VPS53: variants seen among roughly 807,000 people sequenced by gnomAD.
VPS53 encodes the protein vacuolar protein sorting-associated protein 53 homolog.
In VPS53, 70 loss-of-function variants were observed where a neutral mutation model predicts 107.0. That is an observed-to-expected ratio of 0.65 (90% CI 0.54 to 0.80). The LOEUF (loss-of-function observed/expected upper bound fraction) is 0.80, where lower values mean the gene tolerates loss of function less well. Ranked by LOEUF, VPS53 falls within the 30% of genes least tolerant of loss-of-function variation. The pLI, the probability that VPS53 is intolerant of heterozygous loss-of-function variation, is 0.00. For missense variants in VPS53, 917 were observed against 1,049.4 expected (o/e 0.87, Z 1.74); for synonymous variants, 409 against 393.3 (o/e 1.04, Z -0.47).
intron 17 of VPS53, among the ~76,000 whole-genome samples, chr17:546,519 C>A (rs1911211404): frequency 6.6e-6 from 1 of 152,154 alleles, no homozygotes; most frequent in Non-Finnish European, 1.5e-5. Flanking sequence ...TACAATTCAA[C>A]AACAGAAAGA....
rs1973789596 is a variant in VPS53 at position 714,777 on chromosome 17, C to T, written c.-68G>A. 7.0e-6 allele frequency: 11 copies of T among 1,565,588 alleles called. No individual in the cohort carries two copies. The highest frequency in any genetic ancestry group is 1.7e-4 in the Middle Eastern group (1 of 5,940). On this transcript the variant is annotated 5_prime_UTR_variant, in exon 1 of 22. Coordinates refer to ENST00000437048, the MANE Select transcript of VPS53 (RefSeq NM_001128159.3). ...TCAGGCCTCCAGCCGCCACCCAGGC[C>T]CCAGCACAGCAACTCCCTCGCGGCA... is the stretch of plus-strand genomic sequence containing the variant.
rs1363173607 is a variant in VPS53, at chr17:612,343, C to A, written c.1117-10447G>T. Among the ~76,000 whole-genome samples the A allele has an allele frequency of 8.2e-3, 902 of 110,130 alleles. 14 individuals are homozygous for A. Among genetic ancestry groups the A allele is most frequent in the East Asian group, 0.028 (93 of 3,350 alleles). The allele number at this position is 110,130 out of a possible 152,430, so 72.2% of individuals were successfully genotyped here. A position where few individuals can be genotyped will look rare whatever the true frequency, so the allele number is the denominator to read the frequency against. Reference sequence around the variant, plus strand: ...TGAATTCACACAGTGAAAACCTGTACAAATATTCACATAGTGAGTTCACAC... The same window carrying A: ...TGAATTCACACAGTGAAAACCTGTAAAAATATTCACATAGTGAGTTCACAC... On this transcript the variant is annotated intron_variant, in intron 11 of 21. Transcript: ENST00000437048.
At chr17:529,240 G>A (rs935635373) in intron 19 of VPS53, among the ~76,000 whole-genome samples, 1 of 152,086 alleles carries the variant, frequency 6.6e-6, no homozygotes, top group African/African-American at 2.4e-5. Flanking sequence ...TTTGTCCCTG[G>A]GGCCAGTGCC....
intron 3 of VPS53, among the ~76,000 whole-genome samples, chr17:698,725 A>G (rs768560506): frequency 7.9e-5 from 12 of 151,520 alleles, no homozygotes; most frequent in Non-Finnish European, 1.8e-4. Context: ...GAAAAAAAGA[A>G]AAAAAAAATC....
Position 628,080 on chromosome 17 carries a change from A to AT in VPS53, c.831+7dup. The stretch of plus-strand genomic sequence containing the variant: ...TGTTACATCTGATCTTATTTGGTCA[A>AT]TACTCACATCTTGGTTTTCTTGAAA... On this transcript the variant is annotated splice_region_variant and intron_variant, in intron 9 of 21. Coordinates refer to ENST00000437048, the MANE Select transcript of VPS53 (RefSeq NM_001128159.3). 1 of 1,610,254 alleles carries AT rather than the reference A, an allele frequency of 6.2e-7. No homozygotes were observed. The highest frequency in any genetic ancestry group is 8.5e-7 in the Non-Finnish European group (1 of 1,178,788).
chr17:636,921 G>A (rs559919648), intron 7 of VPS53, among the ~76,000 whole-genome samples: 222 of 152,274 alleles, frequency 1.5e-3, no homozygotes, highest in African/African-American at 4.1e-3. Flanking sequence ...TCAGGATGAT[G>A]CTGGTCTCAT....
chr17:710,846 G>A (rs1489237655), intron 1 of VPS53, among the ~76,000 whole-genome samples: 1 of 151,994 alleles, frequency 6.6e-6, no homozygotes, highest in Non-Finnish European at 1.5e-5. Context: ...TCAGGAGGCT[G>A]AGGCAGGAGA....
chr17:609,698 T>C (rs766805772), intron 11 of VPS53, among the ~76,000 whole-genome samples: 2 of 152,094 alleles, frequency 1.3e-5, no homozygotes, highest in African/African-American at 4.8e-5. Context: ...GAGGCTGAAA[T>C]TGAAAGTGCT....
At chr17:650,605 A>G (rs1285951331) in intron 7 of VPS53, among the ~76,000 whole-genome samples, 1 of 152,222 alleles carries the variant, frequency 6.6e-6, no homozygotes, top group Non-Finnish European at 1.5e-5. Context: ...AAACAACAAT[A>G]TCAAGTGTTG....
chr17:575,062 G>A (rs1477135149), intron 13 of VPS53, among the ~76,000 whole-genome samples: 2 of 152,232 alleles, frequency 1.3e-5, no homozygotes, highest in African/African-American at 2.4e-5. Context: ...CTGGGCAAGA[G>A]CAAGGGCACT....
chr17:658,173 T>C (rs1971278359), intron 5 of VPS53, among the ~76,000 whole-genome samples: 1 of 148,710 alleles, frequency 6.7e-6, no homozygotes, highest in African/African-American at 2.5e-5. Flanking sequence ...TACATCCCAC[T>C]AAAGTGAGAA....
rs1210967413 is a variant in VPS53, at chr17:516,869, G to A, written c.*2259C>T. On this transcript the variant is annotated 3_prime_UTR_variant, in exon 22 of 22. Transcript: ENST00000437048. ...CTGTGACCACCAACTGTGGAAAACA[G>A]CAGCTTGATAGCTCAATGCTGTGAT... 6.6e-6 allele frequency: 1 copy of A among 152,320 alleles called. No homozygotes were observed. The highest frequency in any genetic ancestry group is 6.5e-5 in the Admixed American group (1 of 15,294). 9.4% of individuals were successfully genotyped at this position (152,320 alleles called of 1,614,324 possible).
At chr17:576,443 A>C (rs2151873150) in intron 13 of VPS53, among the ~76,000 whole-genome samples, 1 of 149,516 alleles carries the variant, frequency 6.7e-6, no homozygotes, top group African/African-American at 2.5e-5. Context: ...TTCCCAGAAA[A>C]CATACCTCAG....
chr17:694,527 A>C (rs1442458820), intron 4 of VPS53, among the ~76,000 whole-genome samples: 1 of 152,330 alleles, frequency 6.6e-6, no homozygotes, highest in East Asian at 1.9e-4. Context: ...CTGCACTGTA[A>C]GACTTCTAGT....
chr17:686,738 G>T lies in VPS53; in HGVS notation c.285+10680C>A, dbSNP rs187575456. Among the ~76,000 whole-genome samples, 960 of 152,338 alleles carry T rather than the reference G, an allele frequency of 6.3e-3. 3 individuals are homozygous for T. Among genetic ancestry groups the T allele is most frequent in the Non-Finnish European group, 8.3e-3 (568 of 68,036 alleles). On this transcript the variant is annotated intron_variant, in intron 4 of 21. Transcript: ENST00000437048. ...ACAGGAACTCGACAAATACCTGGAT[G>T]CACGGAACTAGGAAAACTGAAATTC...
chr17:682,832 G>A (rs1319370750), intron 4 of VPS53, among the ~76,000 whole-genome samples: 1 of 139,624 alleles, frequency 7.2e-6, no homozygotes, highest in Non-Finnish European at 1.5e-5. Flanking sequence ...TCTCAAAGAG[G>A]AGCCATTTGG....
chr17:697,024 C>T (rs1344530630), intron 4 of VPS53, among the ~76,000 whole-genome samples: 6 of 152,122 alleles, frequency 3.9e-5, no homozygotes, highest in East Asian at 1.9e-4. Context: ...AAGCGAGGTA[C>T]GAGGAAATGG....
intron 16 of VPS53, among the ~76,000 whole-genome samples, chr17:552,156 C>T (rs368637563): frequency 6.6e-6 from 1 of 152,182 alleles, no homozygotes; most frequent in African/African-American, 2.4e-5. Context: ...GATATAGAAT[C>T]CCACGGTCAG....
chr17:529,421 CA>C (rs1439022095), intron 19 of VPS53, among the ~76,000 whole-genome samples: 47 of 152,088 alleles, frequency 3.1e-4, no homozygotes, highest in African/African-American at 9.4e-4. Flanking sequence ...CACACACACA[CA>C]CCCCTGCTGG....
Sources: gnomAD v4.1 joint callset for allele counts (sites outside exome capture counted in the v4.1 genomes callset) on GRCh38, gnomAD v4.1.1 for gene constraint, MANE v1.5 for transcripts, NCBI Gene and HGNC (gene_info 2026-07-23, HGNC 2026-07-21) for gene names.